ME2: variants seen among roughly 807,000 people sequenced by gnomAD.
ME2 encodes NAD-dependent malic enzyme, mitochondrial.
Under a neutral mutation model 73.7 loss-of-function variants are expected in ME2, and 60 were observed. That is an observed-to-expected ratio of 0.81 (90% CI 0.66 to 1.01). ME2 has a LOEUF of 1.01. ME2 is among the 50% of genes least tolerant of loss of function. The pLI is 0.00. For synonymous variants in ME2, 199 were observed against 236.9 expected (o/e 0.84, Z 1.47); for missense variants, 594 against 705.5 (o/e 0.84, Z 1.79).
intron 1 of ME2, among the ~76,000 whole-genome samples, chr18:50,884,661 A>T (rs1322351323): frequency 6.6e-6 from 1 of 152,070 alleles, no homozygotes; most frequent in East Asian, 1.9e-4. Flanking sequence ...TCATTATTTG[A>T]TAGGAGCAAG....
At chr18:50,926,016 G>C (rs1293834136) in intron 12 of ME2, 118 bp downstream of exon 12, 8 of 673,566 alleles carry the variant, frequency 1.2e-5, no homozygotes, top group Non-Finnish European at 2.0e-5. Flanking sequence ...TGCATCTATG[G>C]GTGATCAAAG....
At chr18:50,904,922 T>A (rs1198240439) in intron 2 of ME2, among the ~76,000 whole-genome samples, 1 of 152,004 alleles carries the variant, frequency 6.6e-6, no homozygotes, top group Non-Finnish European at 1.5e-5. Context: ...CTTCTTTCTC[T>A]CCTCTCCTCA....
At chr18:50,927,810 ATTTTTT>A (rs545334028) in intron 12 of ME2, among the ~76,000 whole-genome samples, 1 of 73,092 alleles carries the variant, frequency 1.4e-5, no homozygotes, top group Non-Finnish European at 2.4e-5. Flanking sequence ...TTGTCATTTA[ATTTTTT>A]TTTTTTTTTT....
intron 5 of ME2, 92 bp downstream of exon 5, chr18:50,916,335 T>C: frequency 9.9e-7 from 1 of 1,013,378 alleles, no homozygotes; most frequent in Non-Finnish European, 1.5e-6. Flanking sequence ...ATTGTTGCTC[T>C]CATTTATTTT....
chr18:50,901,233 T>A (rs1419474924), intron 2 of ME2, among the ~76,000 whole-genome samples: 3 of 152,252 alleles, frequency 2.0e-5, no homozygotes, highest in Non-Finnish European at 4.4e-5. Context: ...GCATTTTATC[T>A]CCTGCTTATA....
chr18:50,918,229 T>C lies in ME2; in HGVS notation c.734+16T>C, dbSNP rs1430416159. On this transcript the variant is annotated intron_variant, in intron 7 of 15. Coordinates refer to ENST00000321341, the MANE Select transcript of ME2 (RefSeq NM_002396.5). ...TTACTGACAGGTATTTTTTAAAAGTTTGAGTATATGAAAGCACCTTTAATG... is the reference window on the plus strand; with the variant it reads ...TTACTGACAGGTATTTTTTAAAAGTCTGAGTATATGAAAGCACCTTTAATG... The C allele has an allele frequency of 1.3e-6, 2 of 1,566,650 alleles. No homozygotes were observed. The highest frequency in any genetic ancestry group is 2.3e-5 in the East Asian group (1 of 44,372).
At chr18:50,924,757 C>T (rs780799367) in intron 11 of ME2, among the ~76,000 whole-genome samples, 2 of 151,386 alleles carry the variant, frequency 1.3e-5, no homozygotes, top group Non-Finnish European at 2.9e-5. Context: ...AGTTGGCTCA[C>T]TGCAACTTCC....
rs567129366 is a variant in ME2, at chr18:50,914,471, A to G, written c.392+1521A>G. Among the ~76,000 whole-genome samples, 13 of 152,308 alleles carry G rather than the reference A, an allele frequency of 8.5e-5. No individual in the cohort carries two copies. In the South Asian group the frequency reaches 2.5e-3, roughly 29 times the overall value. On this transcript the variant is annotated intron_variant, in intron 4 of 15. Transcript: ENST00000321341. The stretch of plus-strand genomic sequence containing the variant: ...AGTTGAGAACTGACTTGAAACATGA[A>G]GAGCATGGCTTATGTGTGAGGGCAA...
At chr18:50,888,628 A>G (rs1916537341) in intron 1 of ME2, among the ~76,000 whole-genome samples, 3 of 152,124 alleles carry the variant, frequency 2.0e-5, no homozygotes, top group Admixed American at 1.3e-4. Flanking sequence ...CGTGATAACT[A>G]TAATTGTGAT....
intron 15 of ME2, among the ~76,000 whole-genome samples, chr18:50,945,922 C>A (rs1918071065): frequency 6.6e-6 from 1 of 152,074 alleles, no homozygotes; most frequent in South Asian, 2.1e-4. Flanking sequence ...CAAAAATTTA[C>A]CAGGCATGGT....
At chr18:50,897,749 A>C (rs1236788403) in intron 2 of ME2, among the ~76,000 whole-genome samples, 5 of 151,412 alleles carry the variant, frequency 3.3e-5, no homozygotes, top group African/African-American at 4.9e-5. Flanking sequence ...AAACCCAGCT[A>C]CTTGGGAGGC....
At chr18:50,915,914 T>A (rs932970703) in intron 4 of ME2, 2 of 327,770 alleles carry the variant, frequency 6.1e-6, no homozygotes, top group Non-Finnish European at 1.1e-5. Flanking sequence ...GAACATGAGA[T>A]GTGGTTACAT....
chr18:50,925,290 C>A (rs1469451362), intron 11 of ME2, among the ~76,000 whole-genome samples: 1 of 152,010 alleles, frequency 6.6e-6, no homozygotes, highest in African/African-American at 2.4e-5. Context: ...ACTAGCCTGG[C>A]CAACATGGCA....
At chr18:50,940,786 G>A (rs1436748745) in intron 15 of ME2, among the ~76,000 whole-genome samples, 1 of 152,008 alleles carries the variant, frequency 6.6e-6, no homozygotes, top group African/African-American at 2.4e-5. Flanking sequence ...CTTATAATTG[G>A]TTTCTTACTG....
chr18:50,883,289 C>T (rs1356805317), intron 1 of ME2, among the ~76,000 whole-genome samples: 1 of 152,176 alleles, frequency 6.6e-6, no homozygotes, highest in Non-Finnish European at 1.5e-5. Flanking sequence ...CTGTCATGAG[C>T]TCTTTCTAGT....
At chr18:50,929,784 C>G (rs1917651558) in intron 12 of ME2, among the ~76,000 whole-genome samples, 2 of 152,064 alleles carry the variant, frequency 1.3e-5, no homozygotes, top group African/African-American at 4.8e-5. Flanking sequence ...TATTGTTCCC[C>G]AAATTAAATC....
At chr18:50,905,160 T>C (rs1284140807) in intron 2 of ME2, among the ~76,000 whole-genome samples, 1 of 152,152 alleles carries the variant, frequency 6.6e-6, no homozygotes, top group African/African-American at 2.4e-5. Flanking sequence ...CTAATTTTTG[T>C]ATTTTTAGTA....
intron 1 of ME2, among the ~76,000 whole-genome samples, chr18:50,890,656 A>G (rs1916587333): frequency 6.6e-6 from 1 of 152,188 alleles, no homozygotes; most frequent in Admixed American, 6.6e-5. Context: ...TCAACAAAAA[A>G]CACATCTTTT....
chr18:50,888,732 A>G (rs899912663), intron 1 of ME2, among the ~76,000 whole-genome samples: 3 of 152,182 alleles, frequency 2.0e-5, no homozygotes, highest in African/African-American at 2.4e-5. Flanking sequence ...ATGCTTTAGG[A>G]AGGAAGCTCT....
Sources: gnomAD v4.1 joint callset for allele counts (sites outside exome capture counted in the v4.1 genomes callset) on GRCh38, gnomAD v4.1.1 for gene constraint, MANE v1.5 for transcripts, NCBI Gene and HGNC (gene_info 2026-07-23, HGNC 2026-07-21) for gene names.